The following GINS1 variants were observed in gnomAD, a reference collection of about 807,000 sequenced individuals.
GINS1 encodes DNA replication complex GINS protein PSF1.
A neutral mutation model predicts 34.9 loss-of-function variants in GINS1; 26 were observed. The ratio of observed to expected loss-of-function variants is 0.74; its 90% CI spans 0.55 to 1.03. The LOEUF (loss-of-function observed/expected upper bound fraction) is 1.03. Ranked by LOEUF, GINS1 falls within the 50% of genes least tolerant of loss-of-function variation. GINS1 has a pLI of 0.00. For synonymous variants in GINS1, 97 were observed against 84.4 expected (o/e 1.15, Z -0.82); for missense variants, 235 against 237.9 (o/e 0.99, Z 0.08).
chr20:25,409,674 G>A (rs1211862469), intron 1 of GINS1, among the ~76,000 whole-genome samples: 1 of 152,200 alleles, frequency 6.6e-6, no homozygotes, highest in East Asian at 1.9e-4. Context: ...TCAAGTTAAG[G>A]AACTCGTCTG....
rs2146214327 is a variant in GINS1 at position 25,432,876 on chromosome 20, A to G, written c.447+7549A>G. 1.3e-5 allele frequency among the ~76,000 whole-genome samples: 2 copies of G among 148,468 alleles called. 1 individual carries two copies. Among genetic ancestry groups the G allele is most frequent in the South Asian group, 4.2e-4 (2 of 4,770 alleles). On this transcript the variant is annotated intron_variant, in intron 5 of 6. Transcript: ENST00000262460. ...ATGTTTATTATATATTAACTTATATAATAACATTATATATTAATATATATT... is the reference window on the plus strand; with the variant it reads ...ATGTTTATTATATATTAACTTATATGATAACATTATATATTAATATATATT...
rs1462176440 is a variant in GINS1 at position 25,407,883 on chromosome 20, G to A, written c.63G>A (p.Leu21=). 6.2e-7 allele frequency: 1 copy of A among 1,613,194 alleles called. No individual in the cohort carries two copies. The highest frequency in any genetic ancestry group is 1.7e-5 in the Admixed American group (1 of 60,028). Residue 21 remains leucine, a synonymous_variant, in exon 1 of 7, where the codon CTG becomes CTA. Coordinates refer to ENST00000262460, the MANE Select transcript of GINS1 (RefSeq NM_021067.5). ...RELHRAPEGQ[L]PAFNEDGLRQ... ...TGCATCGCGCGCCCGAAGGGCAACT[G>A]CCTGCCTTCAACGTGAGGGGCGGGT... is the stretch of plus-strand genomic sequence containing the variant.
intron 5 of GINS1, among the ~76,000 whole-genome samples, chr20:25,441,348 A>C (rs1251800463): frequency 6.6e-6 from 1 of 152,110 alleles, no homozygotes; most frequent in Non-Finnish European, 1.5e-5. Context: ...TATGGGAGGG[A>C]TCTATAAGAA....
intron 1 of GINS1, chr20:25,409,145 G>C (rs1350952103): frequency 2.5e-6 from 1 of 406,900 alleles, no homozygotes; most frequent in Non-Finnish European, 3.3e-6. Context: ...GTGACCAATA[G>C]GGCCTGTGGG....
rs1476539858 is a variant in GINS1 at position 25,417,145 on chromosome 20, C to G, written c.182C>G (p.Thr61Ser). 1.9e-6 allele frequency: 3 copies of G among 1,592,562 alleles called. No homozygotes were observed. In the East Asian group the frequency reaches 6.7e-5, roughly 36 times the overall value. The change falls in exon 3 of 7, where the codon ACT (threonine) becomes AGT (serine). Residue 61 changes from threonine to serine, a missense_variant. By Grantham distance (58) the Thr-to-Ser change is moderately conservative. Transcript: ENST00000262460. ...KSGGRSDLIP[T>S]IKFRHCSLLR... ...GGTGGACGAAGTGATTTGATACCAA[C>G]TATCAAATTTCGACACTGTTCTCTG...
At chr20:25,408,519 G>C (rs922635971) in intron 1 of GINS1, among the ~76,000 whole-genome samples, 1 of 152,058 alleles carries the variant, frequency 6.6e-6, no homozygotes, top group Admixed American at 6.5e-5. Context: ...GCTACCCCAG[G>C]GAGAGTGCTA....
chr20:25,436,072 GCCTCCCAAAGT>G (rs973448609), intron 5 of GINS1, among the ~76,000 whole-genome samples: 9 of 151,240 alleles, frequency 6.0e-5, no homozygotes, highest in Non-Finnish European at 5.9e-5. Flanking sequence ...TCTCACCTTG[GCCTCCCAAAGT>G]CCTGGGATTA....
At chr20:25,430,781 T>C (rs1170871134) in intron 5 of GINS1, among the ~76,000 whole-genome samples, 1 of 152,178 alleles carries the variant, frequency 6.6e-6, no homozygotes, top group Non-Finnish European at 1.5e-5. Context: ...CCTCCCGCCT[T>C]GGCCTCCCAA....
chr20:25,434,519 T>G (rs967332683), intron 5 of GINS1, among the ~76,000 whole-genome samples: 1 of 152,040 alleles, frequency 6.6e-6, no homozygotes, highest in Non-Finnish European at 1.5e-5. Flanking sequence ...ACAATCATAG[T>G]TCACTACAGC....
At chr20:25,429,973 C>A (rs553632367) in intron 5 of GINS1, among the ~76,000 whole-genome samples, 17 of 152,272 alleles carry the variant, frequency 1.1e-4, no homozygotes, top group Admixed American at 6.5e-4. Context: ...AGTGCAGTGG[C>A]ACAATCTCAG....
chr20:25,410,990 T>C (rs1028701525), intron 1 of GINS1: 1 of 152,192 alleles, frequency 6.6e-6, no homozygotes, highest in African/African-American at 2.4e-5. Context: ...TTAAGAAAGT[T>C]AGGCCAAGCA....
Position 25,418,113 on chromosome 20 carries a change from G to T in GINS1, c.248G>T (p.Arg83Leu). ...RRCTVAYLYD[R>L]LLRIRALRWE... ...CCTTCTTGATGTCCTAGGTATGACC[G>T]CTTGCTTCGGATCAGAGCACTCAGA... The change falls in exon 4 of 7, where the codon CGC becomes CTC. Residue 83 changes from arginine to leucine, a missense_variant. Coordinates refer to ENST00000262460, the MANE Select transcript of GINS1 (RefSeq NM_021067.5). 6.3e-7 allele frequency: 1 copy of T among 1,586,348 alleles called. No individual in the cohort carries two copies. The highest frequency in any genetic ancestry group is 1.1e-5 in the South Asian group (1 of 90,606).
At chr20:25,408,903 A>G (rs1470012404) in intron 1 of GINS1, 1 of 983,224 alleles carries the variant, frequency 1.0e-6, no homozygotes, top group East Asian at 1.1e-4. Context: ...ATGTCAGGAC[A>G]CATTCTGCTG....
chr20:25,419,998 C>T (rs1399166062), intron 4 of GINS1, among the ~76,000 whole-genome samples: 1 of 151,818 alleles, frequency 6.6e-6, no homozygotes. Context: ...TGATTACAAG[C>T]TGCATTTATT....
intron 4 of GINS1, chr20:25,421,089 G>A (rs543286290): frequency 3.4e-6 from 1 of 298,176 alleles, no homozygotes; most frequent in East Asian, 1.7e-4. Context: ...AAGCACATGG[G>A]CTTGAGTCTG....
intron 4 of GINS1, among the ~76,000 whole-genome samples, chr20:25,420,144 A>AT (rs1354995275): frequency 6.6e-6 from 1 of 150,478 alleles, no homozygotes; most frequent in Non-Finnish European, 1.5e-5. Flanking sequence ...ATATATATAT[A>AT]TTTTTTTGAG....
chr20:25,421,614 C>T (rs908340501), intron 4 of GINS1, among the ~76,000 whole-genome samples: 1 of 152,102 alleles, frequency 6.6e-6, no homozygotes, highest in African/African-American at 2.4e-5. Context: ...TGTTTAGAAT[C>T]TTTAAGCCAC....
chr20:25,417,022 T>TA lies in GINS1; in HGVS notation c.141-80dup, dbSNP rs1430687699. ...CACAAATGGATTAAAAACAAGCATG[T>TA]AACTCAGTTGTTAGTTGGCTTTGAA... is the stretch of plus-strand genomic sequence containing the variant. On this transcript the variant is annotated intron_variant, in intron 2 of 6. Coordinates refer to ENST00000262460, the MANE Select transcript of GINS1 (RefSeq NM_021067.5). 4.6e-6 allele frequency: 3 copies of TA among 651,722 alleles called. No homozygotes were observed. The Admixed American group carries it at 8.0e-5, about 17-fold the overall frequency. 40.4% of individuals were successfully genotyped at this position (651,722 alleles called of 1,614,324 possible). A position where few individuals can be genotyped will look rare whatever the true frequency, so the allele number is the denominator to read the frequency against.
chr20:25,426,395 C>G (rs1305174518), intron 5 of GINS1, among the ~76,000 whole-genome samples: 1 of 151,962 alleles, frequency 6.6e-6, no homozygotes. Context: ...GAAACCCCGT[C>G]TCTACTAAAA....
Sources: gnomAD v4.1 joint callset for allele counts (sites outside exome capture counted in the v4.1 genomes callset) on GRCh38, gnomAD v4.1.1 for gene constraint, MANE v1.5 for transcripts, NCBI Gene and HGNC (gene_info 2026-07-23, HGNC 2026-07-21) for gene names.